The following FLT1 variants were observed in gnomAD, a reference collection of about 807,000 sequenced individuals.
FLT1 encodes vascular endothelial growth factor receptor 1.
FLT1 carries 49 observed loss-of-function variants against 156.3 expected under a neutral mutation model. That is an observed-to-expected ratio of 0.31 (90% CI 0.25 to 0.40). The LOEUF (loss-of-function observed/expected upper bound fraction) is 0.40, where lower values mean the gene tolerates loss of function less well. FLT1 is among the 10% of genes least tolerant of loss of function. FLT1 has a pLI of 1.00. For missense variants in FLT1, 1,322 were observed against 1,637.2 expected, an observed-to-expected ratio of 0.81 and a Z score of 3.32; for synonymous variants, 594 against 583.8, an observed-to-expected ratio of 1.02 and a Z score of -0.25.
intron 10 of FLT1, among the ~76,000 whole-genome samples, chr13:28,412,334 C>CTT (rs1320286283): frequency 0.019 from 1,109 of 58,968 alleles, 55 homozygotes; most frequent in Admixed American, 0.073. Flanking sequence ...TCTTTCTTTT[C>CTT]TTTCTTTCTT....
chr13:28,305,400 GT>G (rs1870701231), intron 29 of FLT1, among the ~76,000 whole-genome samples: 1 of 151,956 alleles, frequency 6.6e-6, no homozygotes, highest in Non-Finnish European at 1.5e-5. Flanking sequence ...AATTTCTGTA[GT>G]TTTAGTAGAG....
In FLT1 at chr13:28,345,538, C is replaced by G. The variant is rs2138859437; in HGVS notation, c.2262G>C (p.Lys754Asn). The change falls in exon 16 of 30, where the codon AAG becomes AAC. Residue 754 changes from lysine (K) to asparagine (N), a missense_variant. Transcript: ENST00000282397. ...TTAGAGTGATCAGCTCCAGATTAGA[C>G]TTGTCCGAGGTTCCTGGAGAGAAAA... ...AYLTVQGTSDKSNLELITLTC... is the reference protein window; with the variant it reads ...AYLTVQGTSDNSNLELITLTC... 1 of 1,608,974 alleles carries G rather than the reference C, an allele frequency of 6.2e-7. No individual in the cohort carries two copies. The highest frequency in any genetic ancestry group is 1.1e-5 in the South Asian group (1 of 90,492).
intron 15 of FLT1, among the ~76,000 whole-genome samples, chr13:28,355,357 C>G (rs959905850): frequency 6.6e-6 from 1 of 152,130 alleles, no homozygotes; most frequent in Non-Finnish European, 1.5e-5. Context: ...CATAAAGGTC[C>G]TAAATAAATA....
chr13:28,419,600 C>T (rs1009622225), intron 10 of FLT1, among the ~76,000 whole-genome samples: 2 of 152,208 alleles, frequency 1.3e-5, no homozygotes, highest in Non-Finnish European at 2.9e-5. Flanking sequence ...CATCCAGCGG[C>T]CGGGTGCGGT....
Position 28,303,294 on chromosome 13 carries a change from C to CA in FLT1, c.3889dup (p.Cys1297LeufsTer17). The CA allele has an allele frequency of 6.2e-7, 1 of 1,614,140 alleles. No individual in the cohort carries two copies. The highest frequency in any genetic ancestry group is 8.5e-7 in the Non-Finnish European group (1 of 1,180,040). Reference sequence around the variant, plus strand: ...GCGCTTGCCTTCGCTGACGTGCCCACAGCTGGAATGGCAGAAACTGGGCCT... The same window carrying CA: ...GCGCTTGCCTTCGCTGACGTGCCCACAAGCTGGAATGGCAGAAACTGGGCCT... On this transcript the variant is annotated frameshift_variant, in exon 30 of 30. Coordinates refer to ENST00000282397, the MANE Select transcript of FLT1 (RefSeq NM_002019.4). LOFTEE classifies it high-confidence loss of function.
In FLT1 at chr13:28,473,777, GGAAAGAAAGAAA is replaced by G. The variant is rs1224855124; in HGVS notation, c.65-6172_65-6161del. ...AGGAAGGAAGGAAGGAAGGAAGGAAGGAAAGAAAGAAAGAAAGAAAGAAAGAAAGAAAGAAAG... is the reference window on the plus strand; with the variant it reads ...AGGAAGGAAGGAAGGAAGGAAGGAAGGAAAGAAAGAAAGAAAGAAAGAAAG... On this transcript the variant is annotated intron_variant, in intron 1 of 29. Transcript: ENST00000282397. 9.4e-3 allele frequency among the ~76,000 whole-genome samples: 596 copies of G among 63,572 alleles called. 7 individuals carry two copies. The highest frequency in any genetic ancestry group is 0.03 in the Admixed American group (183 of 6,082). The allele number at this position is 63,572 out of a possible 152,430, so 41.7% of individuals were successfully genotyped here.
intron 3 of FLT1, among the ~76,000 whole-genome samples, chr13:28,448,576 G>A (rs1288616760): frequency 2.0e-5 from 3 of 152,186 alleles, no homozygotes; most frequent in Admixed American, 6.5e-5. Context: ...GGAACAGAAA[G>A]TAGATAAGTG....
At chr13:28,342,074 G>A (rs564296583) in intron 16 of FLT1, among the ~76,000 whole-genome samples, 2 of 152,034 alleles carry the variant, frequency 1.3e-5, no homozygotes, top group Non-Finnish European at 2.9e-5. Context: ...GTAGAGACAG[G>A]GTTTCACCAT....
intron 1 of FLT1, among the ~76,000 whole-genome samples, chr13:28,468,523 G>A (rs1425553858): frequency 6.6e-6 from 1 of 152,156 alleles, no homozygotes; most frequent in African/African-American, 2.4e-5. Context: ...ATTTCTCACA[G>A]TCCCAGCCTG....
At chr13:28,404,267 G>A (rs1423410758) in intron 11 of FLT1, among the ~76,000 whole-genome samples, 12 of 152,154 alleles carry the variant, frequency 7.9e-5, no homozygotes, top group Non-Finnish European at 2.9e-5. Context: ...GACTATTGGT[G>A]TTATCATATA....
chr13:28,358,463 G>T (rs535569365), intron 14 of FLT1, among the ~76,000 whole-genome samples: 1 of 152,296 alleles, frequency 6.6e-6, no homozygotes, highest in South Asian at 2.1e-4. Context: ...CATAGTAAGT[G>T]CTCAGTAAAT....
chr13:28,437,640 T>C (rs1285506882), intron 4 of FLT1, among the ~76,000 whole-genome samples: 1 of 152,202 alleles, frequency 6.6e-6, no homozygotes. Context: ...CTTTTACCTT[T>C]CCATATGTAC....
chr13:28,350,331 G>A (rs1872700188), intron 15 of FLT1, among the ~76,000 whole-genome samples: 1 of 152,138 alleles, frequency 6.6e-6, no homozygotes, highest in South Asian at 2.1e-4. Context: ...ACAGACTGTT[G>A]ACCTGGTTGC....
chr13:28,387,699 TCTC>T (rs1874444666), intron 13 of FLT1: 4 of 1,060,018 alleles, frequency 3.8e-6, no homozygotes, highest in Non-Finnish European at 4.6e-6. Context: ...GCTCCTTTTT[TCTC>T]CTTTTTTTTT....
At chr13:28,418,083 C>A (rs889435503) in intron 10 of FLT1, among the ~76,000 whole-genome samples, 3 of 152,114 alleles carry the variant, frequency 2.0e-5, no homozygotes, top group Non-Finnish European at 2.9e-5. Context: ...AGATCAAATA[C>A]CCCTGGATGG....
intron 14 of FLT1, among the ~76,000 whole-genome samples, chr13:28,369,151 C>A (rs1343022656): frequency 2.6e-5 from 4 of 152,150 alleles, no homozygotes; most frequent in African/African-American, 9.7e-5. Flanking sequence ...TTTATATATC[C>A]AGTCAAACTT....
At chr13:28,397,107 A>G in intron 11 of FLT1, 39 bp from the exon 12 acceptor site, 1 of 1,205,848 alleles carries the variant, frequency 8.3e-7, no homozygotes, top group Non-Finnish European at 1.2e-6. Context: ...CAACAGGACA[A>G]ATAACTAATT....
At chr13:28,368,567 A>T in intron 14 of FLT1, 1 of 1,474,404 alleles carries the variant, frequency 6.8e-7, no homozygotes, top group Non-Finnish European at 9.3e-7. Flanking sequence ...TGATGATGAT[A>T]ATGATGATAG....
chr13:28,437,098 T>G (rs1020989806), intron 4 of FLT1, among the ~76,000 whole-genome samples: 1 of 152,216 alleles, frequency 6.6e-6, no homozygotes, highest in Non-Finnish European at 1.5e-5. Context: ...GCGAAGTTCC[T>G]GACACTCTGG....
Sources: gnomAD v4.1 joint callset for allele counts (sites outside exome capture counted in the v4.1 genomes callset) on GRCh38, gnomAD v4.1.1 for gene constraint, MANE v1.5 for transcripts, NCBI Gene and HGNC (gene_info 2026-07-23, HGNC 2026-07-21) for gene names.